The following CRACD variants were observed in gnomAD, a reference collection of about 807,000 sequenced individuals.
CRACD encodes capping protein inhibiting regulator of actin dynamics.
In CRACD, 56 loss-of-function variants were observed where a neutral mutation model predicts 106.8. The observed-to-expected ratio is 0.52, with a 90% confidence interval of 0.42 to 0.66. The LOEUF is 0.66. CRACD is among the 30% of genes least tolerant of loss of function. The pLI is 0.00. For missense variants in CRACD, 1,730 were observed against 1,623.2 expected (o/e 1.07, Z -1.13); for synonymous variants, 754 against 670.8 (o/e 1.12, Z -1.92).
At chr4:56,301,698 G>A (rs1157275487) in intron 4 of CRACD, among the ~76,000 whole-genome samples, 1 of 151,956 alleles carries the variant, frequency 6.6e-6, no homozygotes, top group Non-Finnish European at 1.5e-5. Context: ...TGGGCTCACC[G>A]AGAACTGTCT....
chr4:56,203,751 G>A (rs73240524), intron 2 of CRACD, among the ~76,000 whole-genome samples: 9,077 of 152,214 alleles, frequency 0.06, 351 homozygotes, highest in African/African-American at 0.078. Flanking sequence ...CTTTGGGACC[G>A]CATTGATTCC....
intron 2 of CRACD, among the ~76,000 whole-genome samples, chr4:56,209,554 C>T (rs1738297709): frequency 6.6e-6 from 1 of 151,976 alleles, no homozygotes; most frequent in African/African-American, 2.4e-5. Flanking sequence ...TGTTTTATAT[C>T]AGTATTTGCA....
intron 3 of CRACD, among the ~76,000 whole-genome samples, chr4:56,274,712 G>A (rs1742574669): frequency 6.6e-6 from 1 of 152,176 alleles, no homozygotes; most frequent in East Asian, 1.9e-4. Context: ...CTTAAGTAAG[G>A]ATATAAAAGG....
chr4:56,064,839 T>A (rs943350753), intron 1 of CRACD, among the ~76,000 whole-genome samples: 1 of 152,194 alleles, frequency 6.6e-6, no homozygotes, highest in African/African-American at 2.4e-5. Flanking sequence ...TACAGATTCA[T>A]CGAAGTTTCA....
rs777993017 is a variant in CRACD, at chr4:56,313,130, C to T, written c.355-67C>T. ...AGGCGCACACTGGAACGAGTGCCACCGTTCTGCGATTCCCTGCAGGTTGTC... is the reference window on the plus strand; with the variant it reads ...AGGCGCACACTGGAACGAGTGCCACTGTTCTGCGATTCCCTGCAGGTTGTC... On this transcript the variant is annotated intron_variant, in intron 6 of 10. Transcript: ENST00000682029. 3.2e-4 allele frequency: 453 copies of T among 1,422,666 alleles called. 1 individual carries two copies. The highest frequency in any genetic ancestry group is 7.4e-4 in the Middle Eastern group (4 of 5,430). 88.1% of individuals were successfully genotyped at this position (1,422,666 alleles called of 1,614,324 possible).
chr4:56,313,492 A>G (rs1037705393), intron 7 of CRACD, 113 bp downstream of exon 7: 5 of 856,656 alleles, frequency 5.8e-6, no homozygotes, highest in African/African-American at 3.4e-5. Flanking sequence ...GAGTCTCCCC[A>G]TCGGGAACTT....
chr4:56,295,559 G>A (rs544687430), intron 3 of CRACD, among the ~76,000 whole-genome samples: 176 of 151,214 alleles, frequency 1.2e-3, no homozygotes, highest in Non-Finnish European at 2.1e-3. Flanking sequence ...TAAATCAGGG[G>A]GATAGACTTC....
chr4:56,307,834 A>C (rs773819017), intron 5 of CRACD, 135 bp downstream of exon 5: 156 of 806,934 alleles, frequency 1.9e-4, no homozygotes, highest in Non-Finnish European at 1.3e-4. Flanking sequence ...GCTTGAGGGC[A>C]CTTCCTGGTA....
At chr4:56,192,926 A>G (rs149011992) in intron 2 of CRACD, among the ~76,000 whole-genome samples, 1 of 152,308 alleles carries the variant, frequency 6.6e-6, no homozygotes, top group East Asian at 1.9e-4. Context: ...CACTTAACAC[A>G]AGACTATGAG....
intron 2 of CRACD, among the ~76,000 whole-genome samples, chr4:56,181,908 A>C (rs1736837442): frequency 6.6e-6 from 1 of 152,174 alleles, no homozygotes; most frequent in Non-Finnish European, 1.5e-5. Flanking sequence ...CTTCCAAATA[A>C]GGTCAAATTC....
At chr4:56,137,926 G>A (rs1160392120) in intron 1 of CRACD, among the ~76,000 whole-genome samples, 1 of 152,156 alleles carries the variant, frequency 6.6e-6, no homozygotes, top group African/African-American at 2.4e-5. Context: ...TGGATTTAAG[G>A]GTAAGGATAA....
chr4:56,264,638 A>C (rs1741895561), intron 2 of CRACD, among the ~76,000 whole-genome samples: 1 of 152,214 alleles, frequency 6.6e-6, no homozygotes, highest in Non-Finnish European at 1.5e-5. Flanking sequence ...GTCCTGAGGC[A>C]ACATACATCC....
chr4:56,257,238 T>G (rs1741416204), intron 2 of CRACD, among the ~76,000 whole-genome samples: 1 of 152,158 alleles, frequency 6.6e-6, no homozygotes, highest in East Asian at 1.9e-4. Flanking sequence ...CCCACCACCA[T>G]GCCTGGCTAA....
chr4:56,109,651 C>G (rs749873537), intron 1 of CRACD, among the ~76,000 whole-genome samples: 1 of 151,938 alleles, frequency 6.6e-6, no homozygotes, highest in Non-Finnish European at 1.5e-5. Context: ...AATACATGAA[C>G]TCTGTAAAAT....
chr4:56,138,693 G>A (rs890340424), intron 1 of CRACD, among the ~76,000 whole-genome samples: 1 of 152,026 alleles, frequency 6.6e-6, no homozygotes, highest in Non-Finnish European at 1.5e-5. Context: ...GTTTGTAAAA[G>A]GACAGGTTAT....
intron 1 of CRACD, among the ~76,000 whole-genome samples, chr4:56,166,674 T>TTAA (rs1305148305): frequency 7.8e-5 from 1 of 12,844 alleles, no homozygotes; most frequent in Non-Finnish European, 1.5e-4. Flanking sequence ...ACACTCTGTC[T>TTAA]CAAAAAAAAA....
intron 1 of CRACD, among the ~76,000 whole-genome samples, chr4:56,107,222 C>A (rs777055076): frequency 1.3e-5 from 2 of 152,094 alleles, no homozygotes; most frequent in African/African-American, 4.8e-5. Context: ...CTCAAATGAT[C>A]CTCCTGCCTC....
chr4:56,257,172 C>T (rs774858466), intron 2 of CRACD, among the ~76,000 whole-genome samples: 1 of 150,372 alleles, frequency 6.7e-6, no homozygotes, highest in Non-Finnish European at 1.5e-5. Context: ...ACCTCCACCT[C>T]CTGGGTTAAA....
At chr4:56,186,540 C>T (rs745947990) in intron 2 of CRACD, among the ~76,000 whole-genome samples, 11 of 152,122 alleles carry the variant, frequency 7.2e-5, no homozygotes, top group Non-Finnish European at 1.3e-4. Context: ...GGGGTAGGGG[C>T]ATTTTGTTGA....
Sources: allele counts gnomAD v4.1 joint callset (sites outside exome capture counted in the v4.1 genomes callset), GRCh38; gene constraint gnomAD v4.1.1; transcripts MANE v1.5; gene names NCBI Gene and HGNC (gene_info 2026-07-23, HGNC 2026-07-21).